Variants in SLC30A9 observed in about 807,000 individuals in gnomAD.
SLC30A9 encodes solute carrier family 30 member 9, also known as proton-coupled zinc antiporter SLC30A9, mitochondrial.
Under a neutral mutation model 87.5 loss-of-function variants are expected in SLC30A9, and 58 were observed. That is an observed-to-expected ratio of 0.66 (90% confidence interval 0.54 to 0.82). SLC30A9 has a LOEUF of 0.82. Ranked by LOEUF, SLC30A9 falls within the 40% of genes least tolerant of loss-of-function variation. SLC30A9 has a pLI of 0.00. For missense variants in SLC30A9, 557 were observed against 679.1 expected, an observed-to-expected ratio of 0.82 and a Z score of 2.00; for synonymous variants, 234 against 233.0, an observed-to-expected ratio of 1.00 and a Z score of -0.04.
At chr4:42,033,220 C>T (rs1716522492) in intron 6 of SLC30A9, among the ~76,000 whole-genome samples, 1 of 152,014 alleles carries the variant, frequency 6.6e-6, no homozygotes, top group Non-Finnish European at 1.5e-5. Flanking sequence ...ATTTCTTAGT[C>T]AAACCTACAG....
chr4:42,078,014 C>T (rs1220442311), intron 16 of SLC30A9, among the ~76,000 whole-genome samples, 198 bp from the exon 17 acceptor site: 1 of 151,978 alleles, frequency 6.6e-6, no homozygotes, highest in East Asian at 1.9e-4. Context: ...GTAGTGCTAC[C>T]TCTGTGTAGT....
At chr4:42,032,374 A>G (rs184522627) in intron 6 of SLC30A9, among the ~76,000 whole-genome samples, 3 of 152,274 alleles carry the variant, frequency 2.0e-5, no homozygotes, top group Admixed American at 6.5e-5. Flanking sequence ...TATTTTTGTT[A>G]TTAGTAACCT....
chr4:42,026,190 T>G (rs999413083), intron 6 of SLC30A9, among the ~76,000 whole-genome samples: 1 of 152,212 alleles, frequency 6.6e-6, no homozygotes. Context: ...AAGTATTTAC[T>G]TTCAATGGAA....
intron 2 of SLC30A9, among the ~76,000 whole-genome samples, chr4:42,016,442 A>G (rs1039426015): frequency 6.6e-6 from 1 of 152,150 alleles, no homozygotes; most frequent in African/African-American, 2.4e-5. Context: ...CTATGTATCC[A>G]TGTGAAAAAA....
intron 2 of SLC30A9, among the ~76,000 whole-genome samples, chr4:42,005,417 C>T (rs921672807): frequency 6.6e-6 from 1 of 152,050 alleles, no homozygotes; most frequent in Non-Finnish European, 1.5e-5. Context: ...TTTTTTTCTT[C>T]CCCACTATTT....
chr4:42,042,150 A>G (rs1716947782), intron 8 of SLC30A9, among the ~76,000 whole-genome samples: 1 of 152,210 alleles, frequency 6.6e-6, no homozygotes, highest in Non-Finnish European at 1.5e-5. Flanking sequence ...GCAGACACCA[A>G]GCTAGCTAGA....
chr4:41,997,005 G>T (rs531352724), intron 1 of SLC30A9, among the ~76,000 whole-genome samples: 66 of 151,400 alleles, frequency 4.4e-4, no homozygotes, highest in African/African-American at 1.5e-3. Context: ...CTGCACTCCA[G>T]CCTGGATGAC....
chr4:41,994,917 T>C (rs1193315836), intron 1 of SLC30A9, among the ~76,000 whole-genome samples: 1 of 150,744 alleles, frequency 6.6e-6, no homozygotes, highest in Non-Finnish European at 1.5e-5. Flanking sequence ...CTGCTGGGGA[T>C]AAAAGTTAAA....
chr4:42,007,425 T>A (rs1715255654), intron 2 of SLC30A9, among the ~76,000 whole-genome samples: 1 of 152,180 alleles, frequency 6.6e-6, no homozygotes, highest in African/African-American at 2.4e-5. Flanking sequence ...GGTTATCCAG[T>A]GAATCTACTA....
intron 14 of SLC30A9, among the ~76,000 whole-genome samples, chr4:42,069,596 A>G (rs1220272595): frequency 1.3e-5 from 2 of 152,232 alleles, no homozygotes; most frequent in African/African-American, 4.8e-5. Flanking sequence ...TGTTTTATCA[A>G]GCATTAAGAA....
chr4:42,008,895 G>A (rs1432754308), intron 2 of SLC30A9, among the ~76,000 whole-genome samples: 2 of 152,154 alleles, frequency 1.3e-5, no homozygotes, highest in South Asian at 2.1e-4. Context: ...CTTTTGTGGT[G>A]ATGGAGAACT....
intron 2 of SLC30A9, among the ~76,000 whole-genome samples, chr4:42,003,549 CTG>C (rs1715072747): frequency 6.6e-6 from 1 of 152,094 alleles, no homozygotes; most frequent in Non-Finnish European, 1.5e-5. Flanking sequence ...TGTGCAGCTA[CTG>C]TTTTTCTTTA....
At chr4:42,024,754 T>C (rs933821745) in intron 6 of SLC30A9, among the ~76,000 whole-genome samples, 1 of 152,346 alleles carries the variant, frequency 6.6e-6, no homozygotes, top group Non-Finnish European at 1.5e-5. Flanking sequence ...CTTTTTTGTG[T>C]ATTTGATGGG....
At position 42,056,506 on chromosome 4, in the gene SLC30A9, C is replaced by T. The variant is rs182345266; in HGVS notation, c.841-3685C>T. Among the ~76,000 whole-genome samples, 477 of 152,234 alleles carry T rather than the reference C, an allele frequency of 3.1e-3. 4 individuals carry two copies. Among genetic ancestry groups the T allele is most frequent in the African/African-American group, 0.011 (448 of 41,530 alleles). ...GACTTATTCACTATCACGAGAACAG[C>T]CGAGGAAAGACTTGCCTCCATGATT... On this transcript the variant is annotated intron_variant, in intron 9 of 17. Coordinates refer to ENST00000264451, the MANE Select transcript of SLC30A9 (RefSeq NM_006345.4).
In SLC30A9 at chr4:42,007,213, C is replaced by A. The variant is rs116195895; in HGVS notation, c.274+5433C>A. ...AATAATTAGGACTTAGTAATTGAAT[C>A]TGGGGGATGAAGAAGAGGGTCAAGC... On this transcript the variant is annotated intron_variant, in intron 2 of 17. Coordinates refer to ENST00000264451, the MANE Select transcript of SLC30A9 (RefSeq NM_006345.4). Among the ~76,000 whole-genome samples, 77 of 152,062 alleles carry A rather than the reference C, an allele frequency of 5.1e-4. 1 individual carries two copies. The highest frequency in any genetic ancestry group is 1.5e-3 in the African/African-American group (64 of 41,444).
chr4:42,039,005 C>CA lies in SLC30A9; in HGVS notation c.690dup (p.Val231SerfsTer4). ...TTACAGCCACGCTCCAGAACAGCAT[C>CA]AGTGTTTTTTAAGGGACCAGGAAAA... is the stretch of plus-strand genomic sequence containing the variant. On this transcript the variant is annotated frameshift_variant, in exon 8 of 18. Coordinates refer to ENST00000264451, the MANE Select transcript of SLC30A9 (RefSeq NM_006345.4). LOFTEE classifies it high-confidence loss of function. 6.2e-7 allele frequency: 1 copy of CA among 1,613,676 alleles called. No individual in the cohort carries two copies. Among genetic ancestry groups the CA allele is most frequent in the Non-Finnish European group, 8.5e-7 (1 of 1,179,738 alleles).
intron 1 of SLC30A9, among the ~76,000 whole-genome samples, chr4:41,994,263 T>C (rs528228073): frequency 6.6e-6 from 1 of 152,302 alleles, no homozygotes; most frequent in Admixed American, 6.5e-5. Context: ...TACTGTGATA[T>C]TAACAGTGAG....
rs896894177 is a variant in SLC30A9, at chr4:42,015,471, T to A, written c.275-2640T>A. ...TGTACCACAGTTAAGTAGTCAGACT[T>A]AGTGGTGTTCCATATCATTTAAATG... On this transcript the variant is annotated intron_variant, in intron 2 of 17. Transcript: ENST00000264451. Among the ~76,000 whole-genome samples, 6 of 152,268 alleles carry A rather than the reference T, an allele frequency of 3.9e-5. 1 individual carries two copies. Among genetic ancestry groups the A allele is most frequent in the Middle Eastern group, 6.8e-3 (2 of 294 alleles).
chr4:42,065,502 T>C (rs538008607), intron 12 of SLC30A9, among the ~76,000 whole-genome samples, 153 bp downstream of exon 12: 10 of 152,322 alleles, frequency 6.6e-5, no homozygotes, highest in African/African-American at 2.2e-4. Context: ...GTAAAGTCTT[T>C]GCATAATGTA....
Sources: allele counts gnomAD v4.1 joint callset (sites outside exome capture counted in the v4.1 genomes callset), GRCh38; gene constraint gnomAD v4.1.1; transcripts MANE v1.5; gene names NCBI Gene and HGNC (gene_info 2026-07-23, HGNC 2026-07-21).